MBOAT2: variants seen among roughly 807,000 people sequenced by gnomAD.
MBOAT2 encodes membrane-bound glycerophospholipid O-acyltransferase 2.
Under a neutral mutation model 63.4 loss-of-function variants are expected in MBOAT2, and 28 were observed. The ratio of observed to expected loss-of-function variants is 0.44; its 90% CI spans 0.33 to 0.61. The LOEUF (loss-of-function observed/expected upper bound fraction) is 0.61. MBOAT2 is among the 20% of genes least tolerant of loss of function. MBOAT2 has a pLI of 0.03. For missense variants in MBOAT2, 470 were observed against 605.8 expected (o/e 0.78, Z 2.35); for synonymous variants, 211 against 215.6 (o/e 0.98, Z 0.19).
intron 2 of MBOAT2, among the ~76,000 whole-genome samples, chr2:8,947,588 C>T (rs1341255301): frequency 6.6e-6 from 1 of 152,202 alleles, no homozygotes; most frequent in African/African-American, 2.4e-5. Context: ...TGTTCATTTA[C>T]CATTCCAAAA....
At chr2:8,913,621 C>T (rs1665943879) in intron 3 of MBOAT2, among the ~76,000 whole-genome samples, 1 of 152,126 alleles carries the variant, frequency 6.6e-6, no homozygotes, top group African/African-American at 2.4e-5. Context: ...ATCAAAACCA[C>T]AATGTGATAC....
At chr2:8,911,224 T>G (rs1665687851) in intron 3 of MBOAT2, among the ~76,000 whole-genome samples, 1 of 152,136 alleles carries the variant, frequency 6.6e-6, no homozygotes, top group African/African-American at 2.4e-5. Flanking sequence ...GAACTGTACT[T>G]GAGGACCCAC....
intron 2 of MBOAT2, among the ~76,000 whole-genome samples, chr2:8,948,611 A>G (rs1299349684): frequency 1.3e-5 from 2 of 152,130 alleles, no homozygotes; most frequent in African/African-American, 4.8e-5. Context: ...TTCTGCTGCT[A>G]TGTTAATTTG....
chr2:8,881,635 A>G (rs1288172461), intron 6 of MBOAT2, among the ~76,000 whole-genome samples: 1 of 152,160 alleles, frequency 6.6e-6, no homozygotes, highest in South Asian at 2.1e-4. Flanking sequence ...GCTCCTAAAG[A>G]TCAAAGAACC....
At chr2:8,897,447 G>C (rs986394968) in intron 4 of MBOAT2, among the ~76,000 whole-genome samples, 2 of 152,206 alleles carry the variant, frequency 1.3e-5, no homozygotes, top group African/African-American at 4.8e-5. Context: ...CGTTCCCCCA[G>C]AGGTTAGGAA....
At position 9,003,450 on chromosome 2, in the gene MBOAT2, C is replaced by T. The variant is rs1291249634; in HGVS notation, c.75+90G>A. The T allele has an allele frequency of 1.1e-6, 1 of 883,722 alleles. No homozygotes were observed. The highest frequency in any genetic ancestry group is 4.8e-5 in the East Asian group (1 of 20,688). The allele number at this position is 883,722 out of a possible 1,614,324, so 54.7% of individuals were successfully genotyped here. On this transcript the variant is annotated intron_variant, in intron 1 of 12. Coordinates refer to ENST00000305997, the MANE Select transcript of MBOAT2 (RefSeq NM_138799.4). The surrounding 1 kb of genome is among the most constrained non-coding windows in gnomAD (Gnocchi z 5.4). ...GCACCGGGCGCCCGGCCCCAGCCCC[C>T]ACCCTCCTCCCGGGCCCCCGGTCGG...
At chr2:8,936,801 A>AAG (rs1553368472) in intron 3 of MBOAT2, among the ~76,000 whole-genome samples, 4 of 149,310 alleles carry the variant, frequency 2.7e-5, no homozygotes, top group African/African-American at 1.0e-4. Flanking sequence ...AAAAAAAAAA[A>AAG]AAAAGAAAAG....
chr2:8,873,404 A>G (rs775330858), intron 7 of MBOAT2, 104 bp from the exon 8 acceptor site: 1 of 1,169,536 alleles, frequency 8.6e-7, no homozygotes, highest in South Asian at 1.7e-5. Flanking sequence ...CATCAGTCCT[A>G]CAACTCTCCT....
At chr2:9,001,412 G>C (rs1212058623) in intron 1 of MBOAT2, among the ~76,000 whole-genome samples, 1 of 152,148 alleles carries the variant, frequency 6.6e-6, no homozygotes, top group African/African-American at 2.4e-5. Context: ...AAACACATGA[G>C]TAATGCGTGG....
rs1219628001 is a variant in MBOAT2, at chr2:8,857,174, A to C, written c.*1505T>G. ...AAAGAGAGAGAGAACCCCATCACAG[A>C]AAATTTGCATTTCATTAAAAATTTA... On this transcript the variant is annotated 3_prime_UTR_variant, in exon 13 of 13. Coordinates refer to ENST00000305997, the MANE Select transcript of MBOAT2 (RefSeq NM_138799.4). 6.5e-6 allele frequency: 1 copy of C among 152,686 alleles called. No homozygotes were observed. 9.5% of individuals were successfully genotyped at this position (152,686 alleles called of 1,614,324 possible). A position where few individuals can be genotyped will look rare whatever the true frequency, so the allele number is the denominator to read the frequency against.
In MBOAT2 at chr2:8,864,151, C is replaced by T. The variant is rs779451156; in HGVS notation, c.1052+19G>A. 3.2e-6 allele frequency: 5 copies of T among 1,544,826 alleles called. No homozygotes were observed. In the Middle Eastern group the frequency reaches 5.2e-4, roughly 160 times the overall value. On this transcript the variant is annotated intron_variant, in intron 10 of 12. Transcript: ENST00000305997. ...TAGACGCCAAAGCACATCTAAAGATCGTTTTTGAAGGAACGCACCTTTTGA... is the reference window on the plus strand; with the variant it reads ...TAGACGCCAAAGCACATCTAAAGATTGTTTTTGAAGGAACGCACCTTTTGA...
At chr2:8,891,365 A>G (rs919336752) in intron 4 of MBOAT2, among the ~76,000 whole-genome samples, 5 of 152,230 alleles carry the variant, frequency 3.3e-5, no homozygotes, top group African/African-American at 1.2e-4. Context: ...CAAAACAGAC[A>G]TATGAGTCCA....
intron 1 of MBOAT2, among the ~76,000 whole-genome samples, chr2:8,986,250 A>G (rs571591246): frequency 1.3e-5 from 2 of 151,162 alleles, no homozygotes; most frequent in African/African-American, 4.8e-5. Context: ...AAACTGCCTC[A>G]GTCTGGAGGA....
At chr2:8,939,956 A>G (rs1259397843) in intron 3 of MBOAT2, among the ~76,000 whole-genome samples, 1 of 152,162 alleles carries the variant, frequency 6.6e-6, no homozygotes, top group African/African-American at 2.4e-5. Flanking sequence ...CGTGCAAATA[A>G]ATTTCAGTCA....
At chr2:8,868,773 T>C (rs1662092482) in intron 8 of MBOAT2, among the ~76,000 whole-genome samples, 1 of 152,032 alleles carries the variant, frequency 6.6e-6, no homozygotes, top group Admixed American at 6.5e-5. Context: ...TGGGGGCGGG[T>C]AGAGTTTAAA....
intron 3 of MBOAT2, among the ~76,000 whole-genome samples, chr2:8,922,860 G>C (rs1490788910): frequency 3.3e-5 from 5 of 152,196 alleles, no homozygotes; most frequent in African/African-American, 1.2e-4. Context: ...CACATCCTCA[G>C]GCTAGGAGAG....
chr2:8,956,130 G>A (rs953840726), intron 2 of MBOAT2, among the ~76,000 whole-genome samples: 2 of 152,160 alleles, frequency 1.3e-5, no homozygotes, highest in Non-Finnish European at 2.9e-5. Flanking sequence ...AATCAAATCT[G>A]TAACATCTCT....
chr2:8,973,245 C>T (rs1457851943), intron 1 of MBOAT2, among the ~76,000 whole-genome samples: 1 of 151,942 alleles, frequency 6.6e-6, no homozygotes. Context: ...TGGAAACCAT[C>T]GTTCTCAGCA....
chr2:8,982,540 A>G (rs186870547), intron 1 of MBOAT2, among the ~76,000 whole-genome samples: 6 of 152,304 alleles, frequency 3.9e-5, no homozygotes, highest in Admixed American at 3.9e-4. Flanking sequence ...GCTCTAGACA[A>G]CTGTTTAGAT....
Sources: allele counts gnomAD v4.1 joint callset (sites outside exome capture counted in the v4.1 genomes callset), GRCh38; gene constraint gnomAD v4.1.1; non-coding constraint Gnocchi (gnomAD v3.1); transcripts MANE v1.5; gene names NCBI Gene and HGNC (gene_info 2026-07-23, HGNC 2026-07-21).